DIAPH3: variants seen among roughly 807,000 people sequenced by gnomAD.
The protein encoded by DIAPH3 is diaphanous related formin 3.
A neutral mutation model predicts 144.3 loss-of-function variants in DIAPH3; 117 were observed. The ratio of observed to expected loss-of-function variants is 0.81; its 90% CI spans 0.70 to 0.95. DIAPH3 has a LOEUF of 0.95. Ranked by LOEUF, DIAPH3 falls within the 40% of genes least tolerant of loss-of-function variation. The pLI, the probability that DIAPH3 is intolerant of heterozygous loss-of-function variation, is 0.00. For missense variants in DIAPH3, 1,421 were observed against 1,412.7 expected (o/e 1.01, Z -0.09); for synonymous variants, 519 against 488.9 (o/e 1.06, Z -0.81).
intron 27 of DIAPH3, among the ~76,000 whole-genome samples, chr13:59,683,561 A>T (rs1335186363): frequency 6.6e-6 from 1 of 152,178 alleles, no homozygotes; most frequent in Non-Finnish European, 1.5e-5. Flanking sequence ...AGAGGCAGGA[A>T]ATAAAAAGGA....
chr13:60,055,398 AT>A (rs2056516325), intron 4 of DIAPH3, among the ~76,000 whole-genome samples: 1 of 151,912 alleles, frequency 6.6e-6, no homozygotes. Context: ...TATTTAGACT[AT>A]TTTACATATT....
intron 17 of DIAPH3, among the ~76,000 whole-genome samples, chr13:59,966,819 C>G (rs1451936144): frequency 6.6e-6 from 1 of 152,140 alleles, no homozygotes; most frequent in Non-Finnish European, 1.5e-5. Context: ...CCTCGGTTCT[C>G]AGTCCAAACA....
At chr13:60,096,948 T>C (rs2137939922) in intron 3 of DIAPH3, among the ~76,000 whole-genome samples, 1 of 152,296 alleles carries the variant, frequency 6.6e-6, no homozygotes, top group Admixed American at 6.5e-5. Flanking sequence ...TCTTGCCCTT[T>C]ATAATCATGT....
At chr13:60,145,706 T>C (rs1951480950) in intron 1 of DIAPH3, among the ~76,000 whole-genome samples, 2 of 151,828 alleles carry the variant, frequency 1.3e-5, no homozygotes, top group South Asian at 4.2e-4. Context: ...TTCTGTCAAT[T>C]GACTAACACT....
chr13:59,679,460 C>T (rs774501638), intron 27 of DIAPH3, among the ~76,000 whole-genome samples: 45 of 152,220 alleles, frequency 3.0e-4, no homozygotes, highest in Admixed American at 2.9e-3. Flanking sequence ...TCTGTCTTCT[C>T]GGGGCTTTGG....
At chr13:59,989,638 A>G (rs1269671365) in intron 12 of DIAPH3, among the ~76,000 whole-genome samples, 1 of 151,910 alleles carries the variant, frequency 6.6e-6, no homozygotes, top group African/African-American at 2.4e-5. Flanking sequence ...CTATGCCTTA[A>G]TGTCATTTTG....
rs148460461 is a variant in DIAPH3, at chr13:59,993,024, G to T, written c.1015-441C>A. Among the ~76,000 whole-genome samples, 1,017 of 151,808 alleles carry T rather than the reference G, an allele frequency of 6.7e-3. 12 individuals are homozygous for T. Among genetic ancestry groups the T allele is most frequent in the African/African-American group, 0.022 (915 of 41,496 alleles). ...ATCAAGAGAGACTCAAAGTCCCAAAGACTTCAAGGTCAACAAGGGTCTTAA... is the reference window on the plus strand; with the variant it reads ...ATCAAGAGAGACTCAAAGTCCCAAATACTTCAAGGTCAACAAGGGTCTTAA... On this transcript the variant is annotated intron_variant, in intron 9 of 27. Coordinates refer to ENST00000400324, the MANE Select transcript of DIAPH3 (RefSeq NM_001042517.2).
At chr13:60,120,999 C>T (rs1033208450) in intron 2 of DIAPH3, among the ~76,000 whole-genome samples, 5 of 151,996 alleles carry the variant, frequency 3.3e-5, no homozygotes, top group South Asian at 2.1e-4. Flanking sequence ...AAAATATATA[C>T]GAACTAAAGT....
intron 3 of DIAPH3, among the ~76,000 whole-genome samples, chr13:60,103,434 CAAG>C (rs2058328948): frequency 6.6e-6 from 1 of 151,914 alleles, no homozygotes; most frequent in Non-Finnish European, 1.5e-5. Context: ...TGAATATATA[CAAG>C]CAGCAAGTTG....
At chr13:59,959,678 T>C (rs1054926458) in intron 17 of DIAPH3, among the ~76,000 whole-genome samples, 1 of 152,166 alleles carries the variant, frequency 6.6e-6, no homozygotes, top group African/African-American at 2.4e-5. Context: ...CTCTAGCGAC[T>C]GGAAAAGGCA....
chr13:60,097,542 G>T (rs1566768188), intron 3 of DIAPH3, among the ~76,000 whole-genome samples: 1 of 152,188 alleles, frequency 6.6e-6, no homozygotes, highest in Non-Finnish European at 1.5e-5. Flanking sequence ...TGTACAGCTT[G>T]CAGAACTGAC....
At chr13:60,048,591 TA>T (rs1237383847) in intron 4 of DIAPH3, among the ~76,000 whole-genome samples, 2 of 151,436 alleles carry the variant, frequency 1.3e-5, no homozygotes, top group Non-Finnish European at 2.9e-5. Flanking sequence ...TATAAAATGA[TA>T]CTATCACCCT....
chr13:60,072,999 T>C (rs963833442), intron 4 of DIAPH3, among the ~76,000 whole-genome samples: 1 of 152,094 alleles, frequency 6.6e-6, no homozygotes, highest in Non-Finnish European at 1.5e-5. Flanking sequence ...ATATTACTTT[T>C]GAAAAGTTGT....
intron 27 of DIAPH3, among the ~76,000 whole-genome samples, chr13:59,716,352 T>C (rs1033927967): frequency 6.6e-6 from 1 of 152,176 alleles, no homozygotes; most frequent in Non-Finnish European, 1.5e-5. Context: ...ATTTTTTGTA[T>C]TTTTAGTAGA....
intron 4 of DIAPH3, among the ~76,000 whole-genome samples, chr13:60,075,076 TTG>T (rs1566741725): frequency 6.6e-6 from 1 of 152,194 alleles, no homozygotes; most frequent in Non-Finnish European, 1.5e-5. Flanking sequence ...ATAGTTTGCA[TTG>T]ATATATATTT....
intron 25 of DIAPH3, among the ~76,000 whole-genome samples, chr13:59,801,034 A>T (rs888295825): frequency 6.6e-6 from 1 of 152,186 alleles, no homozygotes. Context: ...TAAAGGTTTT[A>T]AAAAAGTACT....
At chr13:59,811,190 T>C (rs1348576830) in intron 24 of DIAPH3, among the ~76,000 whole-genome samples, 1 of 152,026 alleles carries the variant, frequency 6.6e-6, no homozygotes, top group Non-Finnish European at 1.5e-5. Context: ...AAAAGGGAGA[T>C]GGGAGACAGA....
chr13:59,855,901 G>GATAT (rs376734398), intron 22 of DIAPH3, among the ~76,000 whole-genome samples: 10 of 149,844 alleles, frequency 6.7e-5, no homozygotes, highest in Admixed American at 1.3e-4. Flanking sequence ...TATATTTATG[G>GATAT]ATATATATAT....
At chr13:60,106,618 A>G (rs1418186330) in intron 3 of DIAPH3, among the ~76,000 whole-genome samples, 2 of 152,162 alleles carry the variant, frequency 1.3e-5, no homozygotes, top group Non-Finnish European at 2.9e-5. Flanking sequence ...TTTGCAACAC[A>G]TATAAACTGA....
Sources: gnomAD v4.1 joint callset for allele counts (sites outside exome capture counted in the v4.1 genomes callset) on GRCh38, gnomAD v4.1.1 for gene constraint, MANE v1.5 for transcripts, NCBI Gene and HGNC (gene_info 2026-07-23, HGNC 2026-07-21) for gene names.